APPL1: variants seen among roughly 807,000 people sequenced by gnomAD.
The protein encoded by APPL1 is adaptor protein, phosphotyrosine interacting with PH domain and leucine zipper 1.
APPL1 carries 42 observed loss-of-function variants against 106.8 expected under a neutral mutation model. The observed-to-expected ratio is 0.39, with a 90% confidence interval of 0.31 to 0.51. The LOEUF is 0.51. Ranked by LOEUF, APPL1 falls within the 20% of genes least tolerant of loss-of-function variation. The pLI is 0.75. For synonymous variants in APPL1, 263 were observed against 281.8 expected (o/e 0.93, Z 0.67); for missense variants, 769 against 858.2 (o/e 0.90, Z 1.30).
At chr3:57,244,129 C>G (rs567669776) in intron 7 of APPL1, among the ~76,000 whole-genome samples, 1 of 151,118 alleles carries the variant, frequency 6.6e-6, no homozygotes, top group Non-Finnish European at 1.5e-5. Context: ...CAGCAGTTCA[C>G]TTTGATTGGT....
rs1173384372 is a variant in APPL1, at chr3:57,228,067, C to A, written c.54+130C>A. The A allele has an allele frequency of 1.9e-5, 14 of 737,348 alleles. No homozygotes were observed. The highest frequency in any genetic ancestry group is 2.6e-5 in the Non-Finnish European group (14 of 544,068). 45.7% of individuals were successfully genotyped at this position (737,348 alleles called of 1,614,324 possible). A position where few individuals can be genotyped will look rare whatever the true frequency, so the allele number is the denominator to read the frequency against. Reference sequence around the variant, plus strand: ...GCCGCCGCCGCCCTAGGTCACCGCCCGTCGCAGGCCGCGCCCGGAGTTGTG... The same window carrying A: ...GCCGCCGCCGCCCTAGGTCACCGCCAGTCGCAGGCCGCGCCCGGAGTTGTG... On this transcript the variant is annotated intron_variant, in intron 1 of 21. Coordinates refer to ENST00000288266, the MANE Select transcript of APPL1 (RefSeq NM_012096.3). This position sits in a 1 kb window ranked among gnomAD's most constrained non-coding sequence, Gnocchi z 4.6.
chr3:57,256,565 G>T (rs1223240317), intron 13 of APPL1, among the ~76,000 whole-genome samples: 1 of 152,110 alleles, frequency 6.6e-6, no homozygotes, highest in Non-Finnish European at 1.5e-5. Context: ...TTCAACAAAT[G>T]TATCGATTGT....
intron 4 of APPL1, among the ~76,000 whole-genome samples, chr3:57,239,991 G>A (rs2060736611): frequency 6.6e-6 from 1 of 151,912 alleles, no homozygotes; most frequent in Non-Finnish European, 1.5e-5. Context: ...TTGGCCATTT[G>A]TTTATCTTTG....
Position 57,240,478 on chromosome 3 carries a change from A to T in APPL1, c.299A>T (p.His100Leu), listed in dbSNP as rs745583768. 2.5e-6 allele frequency: 4 copies of T among 1,613,750 alleles called. No individual in the cohort carries two copies. Among genetic ancestry groups the T allele is most frequent in the Non-Finnish European group, 3.4e-6 (4 of 1,179,804 alleles). Residue 100 changes from histidine (H) to leucine (L), a missense_variant, in exon 5 of 22, where the codon CAT (histidine) becomes CTT (leucine). Coordinates refer to ENST00000288266, the MANE Select transcript of APPL1 (RefSeq NM_012096.3). ...TTCTTTTTCTAGCTTAGCTCTTGTC[A>T]TGCAGTGCTTTCAACTCAACTTGCT... ...SKVIDELSSC[H>L]AVLSTQLADA...
intron 19 of APPL1, among the ~76,000 whole-genome samples, chr3:57,261,203 A>G (rs1172726777): frequency 1.3e-5 from 2 of 152,138 alleles, no homozygotes; most frequent in Non-Finnish European, 2.9e-5. Flanking sequence ...AAGTGAGAAC[A>G]TGTGATATTT....
intron 3 of APPL1, 130 bp from the exon 4 acceptor site, chr3:57,237,915 A>G: frequency 1.5e-6 from 1 of 661,266 alleles, no homozygotes; most frequent in Non-Finnish European, 2.6e-6. Flanking sequence ...AATTTTAGTT[A>G]AATGATATTT....
chr3:57,253,055 C>G (rs2060813640), intron 12 of APPL1, among the ~76,000 whole-genome samples: 1 of 152,120 alleles, frequency 6.6e-6, no homozygotes, highest in East Asian at 1.9e-4. Context: ...TGTCTCTGTT[C>G]TCTGCATAGT....
intron 21 of APPL1, chr3:57,268,887 A>C (rs1031123413): frequency 1.3e-5 from 2 of 152,532 alleles, no homozygotes; most frequent in Non-Finnish European, 2.9e-5. Flanking sequence ...CAGGAGTGTC[A>C]AATCATTGTC....
At chr3:57,237,101 C>T (rs1436926967) in intron 2 of APPL1, among the ~76,000 whole-genome samples, 1 of 152,102 alleles carries the variant, frequency 6.6e-6, no homozygotes, top group East Asian at 1.9e-4. Flanking sequence ...CTGGGTCAAC[C>T]ACATTTTGGT....
rs568849350 is a variant in APPL1, at chr3:57,248,253, A to G, written c.765A>G (p.Glu255=). 1.2e-6 allele frequency: 2 copies of G among 1,614,206 alleles called. No homozygotes were observed. Among genetic ancestry groups the G allele is most frequent in the African/African-American group, 2.7e-5 (2 of 75,048 alleles). Residue 255 remains glutamate, a synonymous_variant, in exon 10 of 22, where the codon GAA becomes GAG. Coordinates refer to ENST00000288266, the MANE Select transcript of APPL1 (RefSeq NM_012096.3). ...TGCAACAGACAATAGAGGATTTGGA[A>G]GTAGCCAGTGATCCCTTATATGTGC... ...ETMQQTIEDL[E]VASDPLYVPD...
chr3:57,249,576 A>G, intron 11 of APPL1, 28 bp downstream of exon 11: 1 of 1,504,564 alleles, frequency 6.6e-7, no homozygotes, highest in Non-Finnish European at 8.9e-7. Flanking sequence ...ACTACTACTA[A>G]TCTATAGTAT....
chr3:57,247,626 G>GT (rs555998473), intron 9 of APPL1, 149 bp downstream of exon 9: 770 of 546,168 alleles, frequency 1.4e-3, no homozygotes, highest in Middle Eastern at 2.4e-3. Context: ...GTTACTTCTT[G>GT]TTTTTTTTTA....
At position 57,227,750 on chromosome 3, in the gene APPL1, A is replaced by G; in HGVS notation, c.-134A>G. The G allele has an allele frequency of 1.4e-6, 1 of 707,656 alleles. No homozygotes were observed. The highest frequency in any genetic ancestry group is 4.5e-5 in the Admixed American group (1 of 22,368). 43.8% of individuals were successfully genotyped at this position (707,656 alleles called of 1,614,324 possible). A position where few individuals can be genotyped will look rare whatever the true frequency, so the allele number is the denominator to read the frequency against. ...TCCCGCACGGCCGCTCGGCGCCTGG[A>G]GAAGGCTGTGCGGGCGGGGACGGCT... On this transcript the variant is annotated 5_prime_UTR_variant, in exon 1 of 22. Transcript: ENST00000288266.
rs188364182 is a variant in APPL1, at chr3:57,229,184, G to A, written c.54+1247G>A. The stretch of plus-strand genomic sequence containing the variant: ...TACTCGGTTCAATTTTTTTCTTGAT[G>A]ATTTCTCCATATAAAGTTATAAACT... On this transcript the variant is annotated intron_variant, in intron 1 of 21. Coordinates refer to ENST00000288266, the MANE Select transcript of APPL1 (RefSeq NM_012096.3). Among the ~76,000 whole-genome samples, 658 of 152,276 alleles carry A rather than the reference G, an allele frequency of 4.3e-3. 8 individuals carry two copies. Among genetic ancestry groups the A allele is most frequent in the Non-Finnish European group, 7.1e-3 (481 of 68,004 alleles).
chr3:57,268,988 G>T (rs928220531), intron 21 of APPL1: 7 of 153,006 alleles, frequency 4.6e-5, no homozygotes, highest in African/African-American at 1.7e-4. Context: ...GCGTGTTATG[G>T]GTTGTAGATT....
In APPL1 at chr3:57,248,218, A is replaced by C; in HGVS notation, c.730A>C (p.Ile244Leu). The change falls in exon 10 of 22, where the codon ATA becomes CTA. Residue 244 changes from isoleucine (I) to leucine (L), a missense_variant. Physicochemically the swap from Ile to Leu is conservative, Grantham distance 5. Transcript: ENST00000288266. ...TGTTCGCAGGGAAATGGACAGTGAT[A>C]TAGAGACCATGCAACAGACAATAGA... is the stretch of plus-strand genomic sequence containing the variant. ...QNVRREMDSD[I>L]ETMQQTIEDL... The C allele has an allele frequency of 6.2e-7, 1 of 1,614,138 alleles. No individual in the cohort carries two copies. The highest frequency in any genetic ancestry group is 8.5e-7 in the Non-Finnish European group (1 of 1,180,000).
intron 7 of APPL1, among the ~76,000 whole-genome samples, chr3:57,245,582 A>T (rs1305053771): frequency 6.7e-6 from 1 of 150,176 alleles, no homozygotes; most frequent in Non-Finnish European, 1.5e-5. Flanking sequence ...TCTCTCTGTC[A>T]CCCAGGCTGG....
chr3:57,270,876 C>A lies in APPL1; in HGVS notation c.*1189C>A, dbSNP rs2060932954. 6.6e-6 allele frequency: 1 copy of A among 152,054 alleles called. No individual in the cohort carries two copies. The highest frequency in any genetic ancestry group is 2.4e-5 in the African/African-American group (1 of 41,422). 9.4% of individuals were successfully genotyped at this position (152,054 alleles called of 1,614,324 possible). A position where few individuals can be genotyped will look rare whatever the true frequency, so the allele number is the denominator to read the frequency against. On this transcript the variant is annotated 3_prime_UTR_variant, in exon 22 of 22. Transcript: ENST00000288266. ...CCTAGTAGAGTATAGGAGAAGTTGA[C>A]CAAGGAAGGATTTAACCTGGTGCCA... is the stretch of plus-strand genomic sequence containing the variant.
chr3:57,260,269 G>T, intron 18 of APPL1, 116 bp downstream of exon 18: 1 of 1,115,766 alleles, frequency 9.0e-7, no homozygotes. Flanking sequence ...AGCTATGATT[G>T]GTCTTTGGCT....
Sources: gnomAD v4.1 joint callset for allele counts (sites outside exome capture counted in the v4.1 genomes callset) on GRCh38, gnomAD v4.1.1 for gene constraint, Gnocchi (gnomAD v3.1) non-coding constraint, MANE v1.5 for transcripts, NCBI Gene and HGNC (gene_info 2026-07-23, HGNC 2026-07-21) for gene names.